The following UNC5C variants were observed in gnomAD, a reference collection of about 807,000 sequenced individuals.
UNC5C encodes netrin receptor UNC5C.
Under a neutral mutation model 99.8 loss-of-function variants are expected in UNC5C, and 47 were observed. That is an observed-to-expected ratio of 0.47 (90% CI 0.37 to 0.60). The LOEUF (loss-of-function observed/expected upper bound fraction) is 0.60, where lower values mean the gene tolerates loss of function less well. Among genes scored for constraint, UNC5C ranks in the 20% least tolerant of loss-of-function variants. The pLI, the probability that UNC5C is intolerant of heterozygous loss-of-function variation, is 0.00. For missense variants in UNC5C, 1,062 were observed against 1,165.9 expected (o/e 0.91, Z 1.30); for synonymous variants, 487 against 452.2 (o/e 1.08, Z -0.98).
intron 2 of UNC5C, among the ~76,000 whole-genome samples, chr4:95,303,962 C>T (rs1341929604): frequency 6.6e-6 from 1 of 152,004 alleles, no homozygotes; most frequent in Non-Finnish European, 1.5e-5. Context: ...TAGAACTTTC[C>T]TTAACACCTA....
At chr4:95,354,481 T>TATATATATATATATATATATATATA (rs1274789806) in intron 1 of UNC5C, among the ~76,000 whole-genome samples, 1 of 99,690 alleles carries the variant, frequency 1.0e-5, no homozygotes, top group African/African-American at 4.4e-5. Flanking sequence ...ATATATATAT[T>TATATATATATATATATATATATATA]TTTTTTTTTT....
At chr4:95,521,217 C>CTTTTTTTTTTTTTTTTTTTT (rs201147890) in intron 1 of UNC5C, among the ~76,000 whole-genome samples, 2 of 45,100 alleles carry the variant, frequency 4.4e-5, no homozygotes, top group African/African-American at 8.5e-5. Flanking sequence ...TTTCTTTTTT[C>CTTTTTTTTTTTTTTTTTTTT]TTTTTTCTTT....
At chr4:95,182,845 C>G (rs1018006244) in intron 14 of UNC5C, 52 bp downstream of exon 14, 36 of 1,568,006 alleles carry the variant, frequency 2.3e-5, no homozygotes, top group African/African-American at 4.0e-5. Context: ...CACACTCTGT[C>G]TTCCTGAGTG....
intron 1 of UNC5C, among the ~76,000 whole-genome samples, chr4:95,406,544 C>G (rs143605789): frequency 2.6e-5 from 4 of 152,134 alleles, no homozygotes; most frequent in Non-Finnish European, 5.9e-5. Flanking sequence ...GCAACTAGGG[C>G]AGACTTGATT....
At chr4:95,376,752 C>T (rs998270084) in intron 1 of UNC5C, among the ~76,000 whole-genome samples, 1 of 152,146 alleles carries the variant, frequency 6.6e-6, no homozygotes, top group African/African-American at 2.4e-5. Flanking sequence ...TTAAGATAAA[C>T]CACTATTGTT....
At chr4:95,332,699 A>G (rs1743164885) in intron 2 of UNC5C, among the ~76,000 whole-genome samples, 1 of 148,756 alleles carries the variant, frequency 6.7e-6, no homozygotes. Context: ...AGCAATGGCA[A>G]CAAAAGCCAA....
intron 1 of UNC5C, among the ~76,000 whole-genome samples, chr4:95,427,867 G>T (rs2149459113): frequency 6.6e-6 from 1 of 151,940 alleles, no homozygotes; most frequent in East Asian, 1.9e-4. Context: ...TCCCACATCT[G>T]TCTCTTTAAT....
At chr4:95,171,637 A>G (rs1366029704) in intron 14 of UNC5C, among the ~76,000 whole-genome samples, 1 of 151,806 alleles carries the variant, frequency 6.6e-6, no homozygotes, top group Non-Finnish European at 1.5e-5. Context: ...CCAGTCTATC[A>G]TTGTTGGACA....
chr4:95,481,798 C>T (rs1578187260), intron 1 of UNC5C, among the ~76,000 whole-genome samples: 3 of 152,092 alleles, frequency 2.0e-5, no homozygotes, highest in Admixed American at 6.6e-5. Flanking sequence ...GGAAAACTGG[C>T]TAGCCATATG....
At chr4:95,208,326 A>G (rs1316787052) in intron 10 of UNC5C, among the ~76,000 whole-genome samples, 1 of 152,236 alleles carries the variant, frequency 6.6e-6, no homozygotes, top group Non-Finnish European at 1.5e-5. Flanking sequence ...GTGAAGCTCC[A>G]AGGAAGTTAA....
intron 3 of UNC5C, among the ~76,000 whole-genome samples, chr4:95,280,071 C>CT (rs2149394932): frequency 6.6e-6 from 1 of 152,286 alleles, no homozygotes; most frequent in East Asian, 1.9e-4. Flanking sequence ...TCACCTCCTG[C>CT]TGTGCGACCA....
chr4:95,293,007 G>A (rs1296161355), intron 3 of UNC5C, among the ~76,000 whole-genome samples: 2 of 152,118 alleles, frequency 1.3e-5, no homozygotes, highest in East Asian at 3.9e-4. Flanking sequence ...AATAAAGCAG[G>A]ATTAGGATTA....
At chr4:95,410,081 T>C (rs1745934843) in intron 1 of UNC5C, among the ~76,000 whole-genome samples, 1 of 152,022 alleles carries the variant, frequency 6.6e-6, no homozygotes, top group South Asian at 2.1e-4. Flanking sequence ...GATTTTGGGG[T>C]GTTTAGCATG....
At chr4:95,427,003 T>C (rs1283613826) in intron 1 of UNC5C, among the ~76,000 whole-genome samples, 1 of 152,170 alleles carries the variant, frequency 6.6e-6, no homozygotes, top group Non-Finnish European at 1.5e-5. Flanking sequence ...AACCGCCATA[T>C]ATTGGAAGAA....
chr4:95,447,602 G>A (rs1747143312), intron 1 of UNC5C, among the ~76,000 whole-genome samples: 1 of 152,172 alleles, frequency 6.6e-6, no homozygotes, highest in African/African-American at 2.4e-5. Flanking sequence ...CCAGGTTCAA[G>A]CAATTCCCCT....
chr4:95,313,397 AC>A (rs141790527), intron 2 of UNC5C, among the ~76,000 whole-genome samples: 2,240 of 150,764 alleles, frequency 0.015, 54 homozygotes, highest in African/African-American at 0.052. Flanking sequence ...ACACTGACTT[AC>A]TTTAAAGGAA....
intron 1 of UNC5C, among the ~76,000 whole-genome samples, chr4:95,449,680 G>A (rs1479878686): frequency 2.0e-5 from 3 of 152,132 alleles, no homozygotes; most frequent in Admixed American, 1.3e-4. Flanking sequence ...ATTCTGCAAC[G>A]TTTCAAACTT....
At chr4:95,513,686 G>A (rs557450361) in intron 1 of UNC5C, among the ~76,000 whole-genome samples, 3 of 152,286 alleles carry the variant, frequency 2.0e-5, no homozygotes, top group African/African-American at 7.2e-5. Flanking sequence ...AGAGAAACAG[G>A]TGAAGGAGGG....
chr4:95,538,540 T>C (rs1416495108), intron 1 of UNC5C, among the ~76,000 whole-genome samples: 5 of 152,202 alleles, frequency 3.3e-5, no homozygotes, highest in Admixed American at 2.6e-4. Context: ...AACTTTGTAA[T>C]GCATTATTAT....
Sources: allele counts gnomAD v4.1 joint callset (sites outside exome capture counted in the v4.1 genomes callset), GRCh38; gene constraint gnomAD v4.1.1; transcripts MANE v1.5; gene names NCBI Gene and HGNC (gene_info 2026-07-23, HGNC 2026-07-21).